Variants in LHFPL4 observed in about 807,000 individuals in gnomAD.
LHFPL4 encodes the protein LHFPL tetraspan subfamily member 4 protein.
A neutral mutation model predicts 20.0 loss-of-function variants in LHFPL4; 6 were observed. That is an observed-to-expected ratio of 0.30 (90% CI 0.16 to 0.59). The LOEUF (loss-of-function observed/expected upper bound fraction) is 0.59. LHFPL4 is among the 20% of genes least tolerant of loss of function. The pLI is 0.88. For synonymous variants in LHFPL4, 129 were observed against 143.8 expected (o/e 0.90, Z 0.74); for missense variants, 215 against 331.2 (o/e 0.65, Z 2.72).
intron 3 of LHFPL4, among the ~76,000 whole-genome samples, chr3:9,502,776 A>G (rs944574772): frequency 6.6e-6 from 1 of 151,648 alleles, no homozygotes; most frequent in Admixed American, 6.6e-5. Context: ...TCACCTGACC[A>G]GCAGGATGGC....
At chr3:9,542,322 T>C (rs1342915408) in intron 2 of LHFPL4, among the ~76,000 whole-genome samples, 1 of 152,060 alleles carries the variant, frequency 6.6e-6, no homozygotes, top group Non-Finnish European at 1.5e-5. Flanking sequence ...CAAATGTTTA[T>C]AGCATTCTTC....
At chr3:9,516,674 A>G (rs969327334) in intron 2 of LHFPL4, among the ~76,000 whole-genome samples, 1 of 151,372 alleles carries the variant, frequency 6.6e-6, no homozygotes, top group Non-Finnish European at 1.5e-5. Flanking sequence ...GGGTTTCACC[A>G]TGTTGGCTAG....
rs1462117135 is a variant in LHFPL4, at chr3:9,552,734, G to A, written c.-55C>T. 9.1e-7 allele frequency: 1 copy of A among 1,103,736 alleles called. No homozygotes were observed. The highest frequency in any genetic ancestry group is 1.1e-6 in the Non-Finnish European group (1 of 889,264). 68.4% of individuals were successfully genotyped at this position (1,103,736 alleles called of 1,614,324 possible). On this transcript the variant is annotated 5_prime_UTR_variant, in exon 2 of 4. Coordinates refer to ENST00000287585, the MANE Select transcript of LHFPL4 (RefSeq NM_198560.3). ...GCGGCTGGCGGGGGCCGCCGGCCCG[G>A]GACGGAGCGCCGGGCTGCCGGGCGG...
At chr3:9,549,116 A>G (rs1378993312) in intron 2 of LHFPL4, among the ~76,000 whole-genome samples, 1 of 152,114 alleles carries the variant, frequency 6.6e-6, no homozygotes, top group African/African-American at 2.4e-5. Context: ...TTTCTAATTT[A>G]TTTAAGCCAG....
intron 2 of LHFPL4, among the ~76,000 whole-genome samples, chr3:9,530,769 A>G (rs1236006080): frequency 2.8e-5 from 4 of 143,700 alleles, no homozygotes; most frequent in African/African-American, 9.9e-5. Context: ...TTATTTATTT[A>G]CTTATTTTTT....
At chr3:9,548,212 G>T (rs1204957613) in intron 2 of LHFPL4, among the ~76,000 whole-genome samples, 1 of 152,134 alleles carries the variant, frequency 6.6e-6, no homozygotes, top group Non-Finnish European at 1.5e-5. Context: ...AGCTCAGCTT[G>T]ATCTCACCTA....
At chr3:9,517,793 GT>G (rs201336018) in intron 2 of LHFPL4, among the ~76,000 whole-genome samples, 6 of 124,424 alleles carry the variant, frequency 4.8e-5, no homozygotes, top group South Asian at 2.5e-4. Flanking sequence ...AGGAGGTTGG[GT>G]TTTTTTGTTT....
intron 2 of LHFPL4, among the ~76,000 whole-genome samples, chr3:9,529,139 C>T (rs1036454592): frequency 6.6e-6 from 1 of 151,984 alleles, no homozygotes; most frequent in African/African-American, 2.4e-5. Context: ...AGCGATTCTT[C>T]TGCCTCAGCC....
At chr3:9,542,061 G>T (rs2046480271) in intron 2 of LHFPL4, among the ~76,000 whole-genome samples, 2 of 152,072 alleles carry the variant, frequency 1.3e-5, no homozygotes, top group Non-Finnish European at 2.9e-5. Context: ...CAAGGAGGGA[G>T]GATCACCTGA....
intron 2 of LHFPL4, among the ~76,000 whole-genome samples, chr3:9,545,844 G>C (rs1050120139): frequency 6.6e-6 from 1 of 152,122 alleles, no homozygotes; most frequent in Non-Finnish European, 1.5e-5. Context: ...GGGAGCCCAG[G>C]GTTACAGTAA....
intron 2 of LHFPL4, among the ~76,000 whole-genome samples, chr3:9,545,806 A>T (rs2046508115): frequency 6.6e-6 from 1 of 151,980 alleles, no homozygotes; most frequent in South Asian, 2.1e-4. Flanking sequence ...CTACTGAGGG[A>T]GCTGAGGTGG....
At chr3:9,553,213 C>A (rs2046568753) in intron 1 of LHFPL4, among the ~76,000 whole-genome samples, 1 of 137,976 alleles carries the variant, frequency 7.2e-6, no homozygotes, top group Non-Finnish European at 1.6e-5. Flanking sequence ...GACTATGAGG[C>A]GGTGGTGGGC....
intron 2 of LHFPL4, among the ~76,000 whole-genome samples, chr3:9,532,442 G>A (rs921507253): frequency 1.1e-4 from 17 of 152,248 alleles, no homozygotes; most frequent in Admixed American, 3.9e-4. Flanking sequence ...CTGGTCTCAA[G>A]TGATCCTCCT....
intron 2 of LHFPL4, among the ~76,000 whole-genome samples, chr3:9,515,111 T>C (rs554133359): frequency 7.9e-5 from 12 of 152,346 alleles, no homozygotes; most frequent in African/African-American, 2.9e-4. Context: ...GCATTTTGCA[T>C]TCCCACCAGC....
rs752079198 is a variant in LHFPL4 at position 9,516,495 on chromosome 3, T to A, written c.407-10292A>T. On this transcript the variant is annotated intron_variant, in intron 2 of 3. Transcript: ENST00000287585. Reference sequence around the variant, plus strand: ...GTCTTTTTTTTTTTCTCTTGAGACGTTGGAGTCTCACTCTGTTGCCCAGGT... The same window carrying A: ...GTCTTTTTTTTTTTCTCTTGAGACGATGGAGTCTCACTCTGTTGCCCAGGT... 3.3e-5 allele frequency among the ~76,000 whole-genome samples: 5 copies of A among 151,828 alleles called. No individual in the cohort carries two copies. In the South Asian group the frequency reaches 1.0e-3, roughly 32 times the overall value.
intron 2 of LHFPL4, among the ~76,000 whole-genome samples, chr3:9,512,901 G>C (rs2046270510): frequency 6.6e-6 from 1 of 152,186 alleles, no homozygotes; most frequent in Non-Finnish European, 1.5e-5. Context: ...AATGACTTCA[G>C]GGGCTAGCAT....
intron 2 of LHFPL4, among the ~76,000 whole-genome samples, chr3:9,552,072 C>T (rs1374338279): frequency 1.3e-5 from 2 of 151,972 alleles, no homozygotes; most frequent in Non-Finnish European, 2.9e-5. Flanking sequence ...CCACCCAGTC[C>T]CAAGGCTCTG....
At chr3:9,546,068 C>G (rs2046510284) in intron 2 of LHFPL4, among the ~76,000 whole-genome samples, 1 of 151,988 alleles carries the variant, frequency 6.6e-6, no homozygotes, top group Non-Finnish European at 1.5e-5. Flanking sequence ...AATCCCAGTA[C>G]TTTGGGAGGC....
chr3:9,543,479 A>G (rs1331951727), intron 2 of LHFPL4, among the ~76,000 whole-genome samples: 1 of 151,366 alleles, frequency 6.6e-6, no homozygotes, highest in African/African-American at 2.4e-5. Flanking sequence ...CAGCCTGGGC[A>G]ACAGAATGAG....
Sources: allele counts gnomAD v4.1 joint callset (sites outside exome capture counted in the v4.1 genomes callset), GRCh38; gene constraint gnomAD v4.1.1; transcripts MANE v1.5; gene names NCBI Gene and HGNC (gene_info 2026-07-23, HGNC 2026-07-21).